EP300: variants seen among roughly 807,000 people sequenced by gnomAD.
EP300 encodes histone acetyltransferase p300.
In EP300, 31 loss-of-function variants were observed where a neutral mutation model predicts 264.0. That is an observed-to-expected ratio of 0.12 (90% confidence interval 0.09 to 0.16). EP300 has a LOEUF of 0.16. Ranked by LOEUF, EP300 falls within the 10% of genes least tolerant of loss-of-function variation. EP300 has a pLI of 1.00. For synonymous variants in EP300, 1,340 were observed against 1,045.4 expected (o/e 1.28, Z -5.44); for missense variants, 2,766 against 3,052.9 (o/e 0.91, Z 2.21).
At chr22:41,130,454 A>G (rs2058911918) in intron 5 of EP300, among the ~76,000 whole-genome samples, 1 of 151,986 alleles carries the variant, frequency 6.6e-6, no homozygotes, top group Non-Finnish European at 1.5e-5. Flanking sequence ...GCTTGAATCC[A>G]GGAGGTGGAG....
intron 5 of EP300, among the ~76,000 whole-genome samples, chr22:41,130,907 A>T (rs1420361094): frequency 6.6e-6 from 1 of 152,140 alleles, no homozygotes; most frequent in African/African-American, 2.4e-5. Flanking sequence ...TAAAGGACAA[A>T]TTTGGGAAGT....
At chr22:41,094,177 A>G (rs899701093) in intron 1 of EP300, among the ~76,000 whole-genome samples, 2 of 152,158 alleles carry the variant, frequency 1.3e-5, no homozygotes, top group African/African-American at 2.4e-5. Flanking sequence ...GGGATAATGA[A>G]GATGAAGAAT....
rs2145512758 is a variant in EP300, at chr22:41,176,347, G to T, written c.4880G>T (p.Arg1627Leu). The change falls in exon 30 of 31, where the codon CGG (arginine) becomes CTG (leucine). Residue 1627 changes from arginine to leucine, a missense_variant. Transcript: ENST00000263253. ...ATCCCCTGCGATCTGATGGATGGTC[G>T]GGATGCGTTTCTCACGCTGGCAAGG... ...PLIPCDLMDG[R>L]DAFLTLARDK... 6.2e-7 allele frequency: 1 copy of T among 1,614,178 alleles called. No homozygotes were observed. The highest frequency in any genetic ancestry group is 8.5e-7 in the Non-Finnish European group (1 of 1,180,036).
At chr22:41,117,058 C>T (rs2058825470) in intron 1 of EP300, 129 bp from the exon 2 acceptor site, 1 of 866,070 alleles carries the variant, frequency 1.2e-6, no homozygotes, top group South Asian at 1.5e-5. Context: ...AAGACCCTGT[C>T]TCAAATAAAT....
intron 1 of EP300, among the ~76,000 whole-genome samples, chr22:41,093,323 G>A (rs1206175611): frequency 1.3e-5 from 2 of 152,180 alleles, no homozygotes; most frequent in African/African-American, 4.8e-5. Flanking sequence ...GTGTGTTCTG[G>A]AATTAGAGCT....
rs34985152 is a variant in EP300, at chr22:41,178,083, C to T, written c.6372C>T (p.Val2124=). The T allele has an allele frequency of 3.0e-3, 4,818 of 1,614,102 alleles. 117 individuals carry two copies. In the African/African-American group the frequency reaches 0.055, roughly 18 times the overall value. The stretch of plus-strand genomic sequence containing the variant: ...CTACCATGCCAGGTCAGCAGGGGGT[C>T]CACTCCAATCCAGCCATGCAGAACA... The part of the protein sequence containing the change: ...QPPTMPGQQG[V]HSNPAMQNMN... Residue 2124 remains valine, a synonymous_variant, in exon 31 of 31, where the codon GTC becomes GTT. Transcript: ENST00000263253.
intron 5 of EP300, 47 bp downstream of exon 5, chr22:41,130,050 C>T (rs1269593570): frequency 1.5e-6 from 2 of 1,374,162 alleles, no homozygotes; most frequent in Non-Finnish European, 2.1e-6. Flanking sequence ...GTTTTAAAGT[C>T]TCACCAGTGC....
At position 41,150,138 on chromosome 22, in the gene EP300, C is replaced by T. The variant is rs774376230; in HGVS notation, c.2757C>T (p.Ser919=). 2.5e-5 allele frequency: 41 copies of T among 1,612,642 alleles called. No homozygotes were observed. The highest frequency in any genetic ancestry group is 3.1e-5 in the Non-Finnish European group (36 of 1,179,958). The part of the protein sequence containing the change: ...QPQQQPRSQQ[S]TAASVPTPTA... Reference sequence around the variant, plus strand: ...AGCAGCAGCCTCGCTCACAGCAGAGCACAGCAGCGTCTGTTCCTACCCCAA... The same window carrying T: ...AGCAGCAGCCTCGCTCACAGCAGAGTACAGCAGCGTCTGTTCCTACCCCAA... Residue 919 remains serine (S), a synonymous_variant, in exon 14 of 31, where the codon AGC becomes AGT. Transcript: ENST00000263253.
intron 11 of EP300, 72 bp from the exon 12 acceptor site, chr22:41,147,765 C>G: frequency 9.3e-7 from 1 of 1,070,410 alleles, no homozygotes; most frequent in Non-Finnish European, 1.4e-6. Flanking sequence ...CAGAATCAGA[C>G]ATAAGAATTC....
At chr22:41,134,169 T>TC (rs1569099405) in intron 6 of EP300, among the ~76,000 whole-genome samples, 1 of 150,854 alleles carries the variant, frequency 6.6e-6, no homozygotes, top group Non-Finnish European at 1.5e-5. Flanking sequence ...TTTTCTTTTT[T>TC]TTTTTTTTTT....
chr22:41,104,991 C>T (rs1296263773), intron 1 of EP300, among the ~76,000 whole-genome samples: 4 of 151,816 alleles, frequency 2.6e-5, no homozygotes, highest in Non-Finnish European at 5.9e-5. Context: ...GGTGTAACCC[C>T]GTCTCTACTA....
At chr22:41,172,138 A>C (rs973641718) in intron 27 of EP300, among the ~76,000 whole-genome samples, 21 of 152,300 alleles carry the variant, frequency 1.4e-4, no homozygotes, top group African/African-American at 4.6e-4. Flanking sequence ...GGGTGTGAGG[A>C]GGGCATGCTT....
chr22:41,150,151 G>A lies in EP300; in HGVS notation c.2770G>A (p.Val924Ile), dbSNP rs1226011403. ...PRSQQSTAAS[V>I]PTPTAPLLPP... ...CTCACAGCAGAGCACAGCAGCGTCT[G>A]TTCCTACCCCAACAGCACCGCTGCT... Residue 924 changes from valine (V) to isoleucine (I), a missense_variant, in exon 14 of 31, where the codon GTT becomes ATT. Transcript: ENST00000263253. The A allele has an allele frequency of 6.2e-7, 1 of 1,611,938 alleles. No homozygotes were observed. Among genetic ancestry groups the A allele is most frequent in the Non-Finnish European group, 8.5e-7 (1 of 1,179,892 alleles).
At chr22:41,127,876 A>G in intron 4 of EP300, 128 bp downstream of exon 4, 2 of 1,249,478 alleles carry the variant, frequency 1.6e-6, no homozygotes, top group Non-Finnish European at 2.2e-6. Context: ...TGGTGTCTGT[A>G]TGTACAAAGT....
At position 41,170,604 on chromosome 22, in the gene EP300, A is replaced by G. The variant is rs189973075; in HGVS notation, c.4452+33A>G. Reference sequence around the variant, plus strand: ...GGGACATAGGGGCCAGGTGCTGACAATAGATCTGGAAATGCACTAATGTTG... The same window carrying G: ...GGGACATAGGGGCCAGGTGCTGACAGTAGATCTGGAAATGCACTAATGTTG... On this transcript the variant is annotated intron_variant, in intron 27 of 30. Coordinates refer to ENST00000263253, the MANE Select transcript of EP300 (RefSeq NM_001429.4). 215 of 1,601,164 alleles carry G rather than the reference A, an allele frequency of 1.3e-4. 1 individual carries two copies. The Middle Eastern group carries it at 4.8e-3, about 36-fold the overall frequency.
At chr22:41,165,259 T>C (rs1445328455) in intron 22 of EP300, among the ~76,000 whole-genome samples, 1 of 152,216 alleles carries the variant, frequency 6.6e-6, no homozygotes, top group African/African-American at 2.4e-5. Flanking sequence ...TAATCTGTTA[T>C]TACTGTGTTA....
Position 41,149,289 on chromosome 22 carries a change from A to T in EP300, c.2379+114A>T, listed in dbSNP as rs112074017. 3.3e-3 allele frequency: 4,166 copies of T among 1,266,242 alleles called. 100 individuals carry two copies. The African/African-American group carries it at 0.054, about 16-fold the overall frequency. The allele number at this position is 1,266,242 out of a possible 1,614,324, so 78.4% of individuals were successfully genotyped here. On this transcript the variant is annotated intron_variant, in intron 13 of 30. Transcript: ENST00000263253. ...AGTGGGTGAAAACAGATGATTTTTT[A>T]AAAAATAACAATTTTGGACTTAGGG...
At chr22:41,106,313 A>G (rs1319876823) in intron 1 of EP300, among the ~76,000 whole-genome samples, 16 of 152,224 alleles carry the variant, frequency 1.1e-4, no homozygotes, top group Admixed American at 7.2e-4. Context: ...TAGCCAAACC[A>G]TTATCAGAAT....
rs2145744549 is a variant in EP300, at chr22:41,155,004, C to T, written c.3152C>T (p.Pro1051Leu). The part of the protein sequence containing the change: ...PGQSKKKIFK[P>L]EELRQALMPT... ...ACTTTTTTTTTTTAAGTTTTCAAACCAGAAGAACTACGACAGGCACTGATG... is the reference window on the plus strand; with the variant it reads ...ACTTTTTTTTTTTAAGTTTTCAAACTAGAAGAACTACGACAGGCACTGATG... The change falls in exon 17 of 31, where the codon CCA (proline) becomes CTA (leucine). Residue 1051 changes from proline (P) to leucine (L), a missense_variant. Transcript: ENST00000263253. 6 of 1,611,152 alleles carry T rather than the reference C, an allele frequency of 3.7e-6. No individual in the cohort carries two copies. The highest frequency in any genetic ancestry group is 5.1e-6 in the Non-Finnish European group (6 of 1,177,570).
Sources: gnomAD v4.1 joint callset for allele counts (sites outside exome capture counted in the v4.1 genomes callset) on GRCh38, gnomAD v4.1.1 for gene constraint, MANE v1.5 for transcripts, NCBI Gene and HGNC (gene_info 2026-07-23, HGNC 2026-07-21) for gene names.